Variants in RAPGEF6 observed in about 807,000 individuals in gnomAD.
RAPGEF6 encodes Rap guanine nucleotide exchange factor 6.
RAPGEF6 carries 56 observed loss-of-function variants against 171.4 expected under a neutral mutation model. The ratio of observed to expected loss-of-function variants is 0.33; its 90% CI spans 0.26 to 0.41. RAPGEF6 has a LOEUF of 0.41. RAPGEF6 is among the 10% of genes least tolerant of loss of function. The probability of loss-of-function intolerance (pLI) is 1.00; values close to 1 mark genes in which losing one functional copy is unlikely to be tolerated. For synonymous variants in RAPGEF6, 692 were observed against 650.1 expected, an observed-to-expected ratio of 1.06 and a Z score of -0.98; for missense variants, 1,674 against 1,921.4, an observed-to-expected ratio of 0.87 and a Z score of 2.41.
chr5:131,528,083 T>TATGTA (rs1759026665), intron 6 of RAPGEF6, among the ~76,000 whole-genome samples: 1 of 123,010 alleles, frequency 8.1e-6, no homozygotes, highest in Non-Finnish European at 1.6e-5. Context: ...TAATTTATAT[T>TATGTA]ATATGTAATA....
intron 4 of RAPGEF6, among the ~76,000 whole-genome samples, chr5:131,574,346 C>G (rs888073751): frequency 6.6e-6 from 1 of 152,136 alleles, no homozygotes; most frequent in African/African-American, 2.4e-5. Flanking sequence ...CTGACACTGC[C>G]CGATCGCCTT....
At chr5:131,474,427 G>C (rs529858091) in intron 16 of RAPGEF6, among the ~76,000 whole-genome samples, 8 of 152,072 alleles carry the variant, frequency 5.3e-5, no homozygotes, top group Non-Finnish European at 1.0e-4. Context: ...CTGGGTGACA[G>C]AGCAAGACTC....
chr5:131,498,949 T>C (rs1756827939), intron 11 of RAPGEF6, among the ~76,000 whole-genome samples: 2 of 152,212 alleles, frequency 1.3e-5, no homozygotes, highest in South Asian at 2.1e-4. Flanking sequence ...AACCAGGGCA[T>C]GTATTTATTG....
chr5:131,487,255 G>C (rs1755965441), intron 15 of RAPGEF6, among the ~76,000 whole-genome samples: 1 of 152,216 alleles, frequency 6.6e-6, no homozygotes, highest in Non-Finnish European at 1.5e-5. Context: ...AGGTGGTGCA[G>C]ACCCAAAGAG....
At chr5:131,487,467 A>T (rs1054234412) in intron 15 of RAPGEF6, among the ~76,000 whole-genome samples, 2 of 152,146 alleles carry the variant, frequency 1.3e-5, no homozygotes, top group African/African-American at 4.8e-5. Flanking sequence ...TCCATTTTAC[A>T]GAGTGCTGAT....
chr5:131,602,083 A>C (rs1181334323), intron 3 of RAPGEF6, among the ~76,000 whole-genome samples: 1 of 152,126 alleles, frequency 6.6e-6, no homozygotes, highest in Non-Finnish European at 1.5e-5. Context: ...AAACTGTCAC[A>C]ATCTCCTGAA....
chr5:131,626,299 T>C (rs1765927590), intron 1 of RAPGEF6, among the ~76,000 whole-genome samples: 1 of 152,160 alleles, frequency 6.6e-6, no homozygotes, highest in South Asian at 2.1e-4. Context: ...ACTGTCAGTT[T>C]AGGGCTGAGT....
In RAPGEF6 at chr5:131,570,041, C is replaced by CAAAAAA. The variant is rs34729268; in HGVS notation, c.282-8000_282-7995dup. ...TGCGGAGCAGAGCAAGACTCTGTCTCAAAAAAAAAAAAAAAAAAAAAAAAA... is the reference window on the plus strand; with the variant it reads ...TGCGGAGCAGAGCAAGACTCTGTCTCAAAAAAAAAAAAAAAAAAAAAAAAAAAAAAA... On this transcript the variant is annotated intron_variant, in intron 4 of 27. Transcript: ENST00000509018. Among the ~76,000 whole-genome samples, 13 of 27,492 alleles carry CAAAAAA rather than the reference C, an allele frequency of 4.7e-4. 2 individuals are homozygous for CAAAAAA. The highest frequency in any genetic ancestry group is 1.9e-3 in the African/African-American group (10 of 5,398). 18.0% of individuals were successfully genotyped at this position (27,492 alleles called of 152,430 possible). A position where few individuals can be genotyped will look rare whatever the true frequency, so the allele number is the denominator to read the frequency against.
In RAPGEF6 at chr5:131,427,050, G is replaced by A. The variant is rs1751425458; in HGVS notation, c.*216C>T. On this transcript the variant is annotated 3_prime_UTR_variant, in exon 28 of 28. Coordinates refer to ENST00000509018, the MANE Select transcript of RAPGEF6 (RefSeq NM_016340.6). The stretch of plus-strand genomic sequence containing the variant: ...GTGCAAAGTGGAGACTGGTATCCAG[G>A]CATAGCATCCATTGCTCAGGAAACT... 1 of 583,632 alleles carries A rather than the reference G, an allele frequency of 1.7e-6. No homozygotes were observed. Among genetic ancestry groups the A allele is most frequent in the East Asian group, 3.1e-5 (1 of 32,728 alleles). The allele number at this position is 583,632 out of a possible 1,614,324, so 36.2% of individuals were successfully genotyped here.
At chr5:131,453,273 A>G (rs942124505) in intron 20 of RAPGEF6, 96 bp from the exon 21 acceptor site, 2 of 1,459,184 alleles carry the variant, frequency 1.4e-6, no homozygotes, top group African/African-American at 2.8e-5. Flanking sequence ...ACAAAGAAGG[A>G]CCTTCTTTAT....
At chr5:131,524,326 G>A (rs1758709517) in intron 6 of RAPGEF6, among the ~76,000 whole-genome samples, 1 of 152,144 alleles carries the variant, frequency 6.6e-6, no homozygotes, top group South Asian at 2.1e-4. Context: ...CTGGAGAAGG[G>A]TAAATGAAGC....
intron 19 of RAPGEF6, among the ~76,000 whole-genome samples, chr5:131,460,672 G>A (rs1223758647): frequency 6.6e-6 from 1 of 152,130 alleles, no homozygotes; most frequent in Non-Finnish European, 1.5e-5. Flanking sequence ...TATGGGAGAG[G>A]CAGGATTCAA....
chr5:131,428,770 C>T, intron 27 of RAPGEF6, 132 bp downstream of exon 27: 1 of 1,048,430 alleles, frequency 9.5e-7, no homozygotes, highest in East Asian at 2.5e-5. Context: ...CCGGCAGGAA[C>T]TTCTTACTTT....
At chr5:131,451,423 GA>G (rs202198403) in intron 21 of RAPGEF6, among the ~76,000 whole-genome samples, 4,288 of 136,556 alleles carry the variant, frequency 0.031, 137 homozygotes, top group African/African-American at 0.095. Flanking sequence ...ATCTCTACTG[GA>G]AAAAAAAAAA....
intron 7 of RAPGEF6, among the ~76,000 whole-genome samples, chr5:131,515,002 T>C (rs746927755): frequency 2.0e-5 from 3 of 152,212 alleles, no homozygotes; most frequent in Non-Finnish European, 2.9e-5. Context: ...TATACATAAA[T>C]ATAATTTGGT....
intron 19 of RAPGEF6, among the ~76,000 whole-genome samples, chr5:131,459,140 G>A (rs1467473197): frequency 1.3e-5 from 2 of 152,096 alleles, no homozygotes; most frequent in African/African-American, 4.8e-5. Context: ...ACAAATCAAT[G>A]AAGCAATGAG....
At chr5:131,478,619 G>C (rs1755264788) in intron 16 of RAPGEF6, among the ~76,000 whole-genome samples, 1 of 152,108 alleles carries the variant, frequency 6.6e-6, no homozygotes. Context: ...AATTTGCTTA[G>C]ATTATCAACT....
chr5:131,603,622 A>G (rs1209692892), intron 2 of RAPGEF6, among the ~76,000 whole-genome samples: 1 of 152,158 alleles, frequency 6.6e-6, no homozygotes, highest in Non-Finnish European at 1.5e-5. Context: ...CAAAAAATAT[A>G]CATTTGTCTG....
rs112957864 is a variant in RAPGEF6 at position 131,585,530 on chromosome 5, A to C, written c.281+6853T>G. ...GGGCTAATCAGAAACTCAAAAAAAA[A>C]CAAAAATGCAACCAGCTGGGCACAG... On this transcript the variant is annotated intron_variant, in intron 4 of 27. Transcript: ENST00000509018. 5.7e-3 allele frequency among the ~76,000 whole-genome samples: 865 copies of C among 152,188 alleles called. 10 individuals are homozygous for C. Among genetic ancestry groups the C allele is most frequent in the African/African-American group, 0.02 (824 of 41,522 alleles).
Sources: allele counts gnomAD v4.1 joint callset (sites outside exome capture counted in the v4.1 genomes callset), GRCh38; gene constraint gnomAD v4.1.1; transcripts MANE v1.5; gene names NCBI Gene and HGNC (gene_info 2026-07-23, HGNC 2026-07-21).